Variants in SDK1 observed in about 807,000 individuals in gnomAD.
SDK1 encodes sidekick cell adhesion molecule 1.
SDK1 carries 157 observed loss-of-function variants against 245.5 expected under a neutral mutation model. The observed-to-expected ratio is 0.64, with a 90% CI of 0.56 to 0.73. The LOEUF is 0.73. SDK1 is among the 30% of genes least tolerant of loss of function. SDK1 has a pLI of 0.00. For synonymous variants in SDK1, 1,647 were observed against 1,278.5 expected (o/e 1.29, Z -6.15); for missense variants, 3,583 against 3,002.3 (o/e 1.19, Z -4.52).
chr7:4,066,888 C>T (rs923823938), intron 19 of SDK1, among the ~76,000 whole-genome samples: 1 of 152,160 alleles, frequency 6.6e-6, no homozygotes, highest in Non-Finnish European at 1.5e-5. Flanking sequence ...GTTTGCTTTG[C>T]TGAGCTGCAC....
intron 4 of SDK1, among the ~76,000 whole-genome samples, chr7:3,781,679 G>T (rs1207502242): frequency 1.3e-5 from 2 of 151,870 alleles, no homozygotes; most frequent in Non-Finnish European, 2.9e-5. Flanking sequence ...AATAAAATTT[G>T]GAAAACAGTA....
intron 2 of SDK1, among the ~76,000 whole-genome samples, chr7:3,620,633 G>T (rs12537980): frequency 0.24 from 37,083 of 152,036 alleles, 5,439 homozygotes; most frequent in Non-Finnish European, 0.33. Flanking sequence ...ACAGTTCTAA[G>T]ATTTTCTGTA....
Position 4,205,928 on chromosome 7 carries a change from C to T in SDK1, c.5148C>T (p.Ser1716=), listed in dbSNP as rs1395404398. 4 of 1,562,732 alleles carry T rather than the reference C, an allele frequency of 2.6e-6. No homozygotes were observed. Among genetic ancestry groups the T allele is most frequent in the Non-Finnish European group, 3.5e-6 (4 of 1,152,816 alleles). ...TGCAGGTGACCCCACTCACGGCCAGCCAGCTGGAGGTCACGTGGGACCCAC... is the reference window on the plus strand; with the variant it reads ...TGCAGGTGACCCCACTCACGGCCAGTCAGCTGGAGGTCACGTGGGACCCAC... The part of the protein sequence containing the change: ...QNVQVTPLTA[S]QLEVTWDPPP... The change falls in exon 36 of 45, where the codon AGC becomes AGT. Residue 1716 remains serine, a synonymous_variant. Transcript: ENST00000404826.
chr7:4,211,632 C>T (rs544320439), intron 38 of SDK1, among the ~76,000 whole-genome samples: 180 of 152,146 alleles, frequency 1.2e-3, no homozygotes, highest in South Asian at 3.5e-3. Flanking sequence ...TTTTTTGAGA[C>T]GGAGTCTTGC....
chr7:3,694,679 C>G (rs1262896666), intron 4 of SDK1, among the ~76,000 whole-genome samples: 2 of 152,048 alleles, frequency 1.3e-5, no homozygotes, highest in Non-Finnish European at 2.9e-5. Flanking sequence ...GTCTGATGTT[C>G]TGGGGAACAT....
intron 1 of SDK1, among the ~76,000 whole-genome samples, chr7:3,546,624 A>C (rs1360478218): frequency 6.6e-6 from 1 of 152,190 alleles, no homozygotes; most frequent in Non-Finnish European, 1.5e-5. Context: ...GTTTAAAATT[A>C]AGAGAAAGAC....
intron 1 of SDK1, among the ~76,000 whole-genome samples, chr7:3,357,618 G>A (rs1583736990): frequency 6.6e-6 from 1 of 152,010 alleles, no homozygotes; most frequent in Admixed American, 6.6e-5. Context: ...GAAGTGCTGG[G>A]ATGACAGGCA....
chr7:3,349,296 C>T (rs182704502), intron 1 of SDK1, among the ~76,000 whole-genome samples: 101 of 152,154 alleles, frequency 6.6e-4, no homozygotes, highest in Admixed American at 2.0e-3. Context: ...AGCAGGGTCT[C>T]ACCCTTATTA....
At chr7:3,687,970 C>T (rs1784338989) in intron 4 of SDK1, among the ~76,000 whole-genome samples, 2 of 152,112 alleles carry the variant, frequency 1.3e-5, no homozygotes, top group South Asian at 4.1e-4. Context: ...AGAGGAGAAA[C>T]ATGGCACCCT....
At chr7:4,213,543 C>G in intron 38 of SDK1, among the ~76,000 whole-genome samples, 1 of 152,122 alleles carries the variant, frequency 6.6e-6, no homozygotes, top group East Asian at 1.9e-4. Context: ...TGAGATCGCA[C>G]CACTGCACTC....
chr7:3,569,469 G>C (rs1024790803), intron 1 of SDK1, among the ~76,000 whole-genome samples: 10 of 152,244 alleles, frequency 6.6e-5, no homozygotes, highest in Admixed American at 6.5e-4. Flanking sequence ...GTCTGGAGGA[G>C]AGCACTGTGA....
Position 4,041,866 on chromosome 7 carries a change from T to C in SDK1, c.2603-7482T>C, listed in dbSNP as rs1358839634. 1.5e-5 allele frequency among the ~76,000 whole-genome samples: 2 copies of C among 135,006 alleles called. 1 individual carries two copies. The highest frequency in any genetic ancestry group is 6.9e-5 in the African/African-American group (2 of 29,008). 88.6% of individuals were successfully genotyped at this position (135,006 alleles called of 152,430 possible). A position where few individuals can be genotyped will look rare whatever the true frequency, so the allele number is the denominator to read the frequency against. Reference sequence around the variant, plus strand: ...GTCTCGCTCCCTTGCCAGGCTGGAGTGCAGTGGTGAGATCTCGGCTCACTG... The same window carrying C: ...GTCTCGCTCCCTTGCCAGGCTGGAGCGCAGTGGTGAGATCTCGGCTCACTG... On this transcript the variant is annotated intron_variant, in intron 17 of 44. Coordinates refer to ENST00000404826, the MANE Select transcript of SDK1 (RefSeq NM_152744.4).
intron 4 of SDK1, among the ~76,000 whole-genome samples, chr7:3,720,863 A>G (rs545405647): frequency 6.6e-6 from 1 of 152,386 alleles, no homozygotes; most frequent in South Asian, 2.1e-4. Flanking sequence ...TGCAATAGAC[A>G]AATATTTAAA....
At chr7:3,521,548 T>C (rs1049127226) in intron 1 of SDK1, among the ~76,000 whole-genome samples, 10 of 152,180 alleles carry the variant, frequency 6.6e-5, no homozygotes, top group Middle Eastern at 3.2e-3. Context: ...TAAGCACTTA[T>C]GTTAGTGTTT....
At chr7:4,053,669 T>G (rs1436760778) in intron 19 of SDK1, among the ~76,000 whole-genome samples, 2 of 152,088 alleles carry the variant, frequency 1.3e-5, no homozygotes, top group African/African-American at 2.4e-5. Flanking sequence ...GCCACTCTCC[T>G]GGAACAATCT....
At chr7:4,095,134 C>T (rs1782064084) in intron 22 of SDK1, among the ~76,000 whole-genome samples, 3 of 151,868 alleles carry the variant, frequency 2.0e-5, no homozygotes, top group Admixed American at 2.0e-4. Context: ...CTCACCTCCC[C>T]CACATCTGAG....
intron 4 of SDK1, among the ~76,000 whole-genome samples, chr7:3,702,282 TAAAA>T (rs1784762819): frequency 6.6e-6 from 1 of 152,194 alleles, no homozygotes; most frequent in Non-Finnish European, 1.5e-5. Flanking sequence ...ATTCTACAAT[TAAAA>T]AAATCTAATG....
At chr7:4,024,899 T>TG (rs11381880) in intron 17 of SDK1, among the ~76,000 whole-genome samples, 51,170 of 152,042 alleles carry the variant, frequency 0.34, 9,851 homozygotes, top group African/African-American at 0.55. Context: ...CACAGCCGCA[T>TG]TATGTGGAAT....
chr7:4,116,486 C>G (rs564411074), intron 25 of SDK1, among the ~76,000 whole-genome samples: 1 of 152,320 alleles, frequency 6.6e-6, no homozygotes, highest in African/African-American at 2.4e-5. Context: ...AAAGGCTCCT[C>G]TCATCCTTTC....
Sources: allele counts gnomAD v4.1 joint callset (sites outside exome capture counted in the v4.1 genomes callset), GRCh38; gene constraint gnomAD v4.1.1; transcripts MANE v1.5; gene names NCBI Gene and HGNC (gene_info 2026-07-23, HGNC 2026-07-21).